Variants in OSMR observed in about 807,000 individuals in gnomAD.
OSMR encodes the protein oncostatin M receptor.
Under a neutral mutation model 99.9 loss-of-function variants are expected in OSMR, and 81 were observed. The ratio of observed to expected loss-of-function variants is 0.81; its 90% CI spans 0.68 to 0.97. The LOEUF (loss-of-function observed/expected upper bound fraction) is 0.97. Ranked by LOEUF, OSMR falls within the 50% of genes least tolerant of loss-of-function variation. The probability of loss-of-function intolerance (pLI) is 0.00; values close to 1 mark genes in which losing one functional copy is unlikely to be tolerated. For missense variants in OSMR, 1,099 were observed against 1,153.4 expected (o/e 0.95, Z 0.68); for synonymous variants, 406 against 410.4 (o/e 0.99, Z 0.13).
intron 4 of OSMR, 106 bp downstream of exon 4, chr5:38,881,870 T>A: frequency 1.0e-6 from 1 of 990,162 alleles, no homozygotes; most frequent in Non-Finnish European, 1.6e-6. Flanking sequence ...GGGTAGACAC[T>A]GACATTATTT....
chr5:38,883,558 A>G (rs10941411), intron 4 of OSMR: 52,975 of 282,774 alleles, frequency 0.19, 5,296 homozygotes, highest in Admixed American at 0.26. Flanking sequence ...AGCAATAGCA[A>G]TCATGCAATT....
At position 38,883,810 on chromosome 5, in the gene OSMR, AT is replaced by A. The variant is rs754064150; in HGVS notation, c.419-8del. 8.8e-6 allele frequency: 14 copies of A among 1,594,908 alleles called. No individual in the cohort carries two copies. Among genetic ancestry groups the A allele is most frequent in the Admixed American group, 3.4e-5 (2 of 59,590 alleles). On this transcript the variant is annotated splice_polypyrimidine_tract_variant and intron_variant, in intron 4 of 17. Transcript: ENST00000274276. Reference sequence around the variant, plus strand: ...TTTTGAGTGCGATTCTAACTTGGCTATTTTTTTTTCTTGCAGTACAAGATTC... The same window carrying A: ...TTTTGAGTGCGATTCTAACTTGGCTATTTTTTTTCTTGCAGTACAAGATTC...
At chr5:38,940,437 T>A (rs192674677), downstream of OSMR, 2 of 232,598 alleles carry the variant, frequency 8.6e-6, no homozygotes, top group Non-Finnish European at 1.7e-5. Flanking sequence ...ACTCTGACAT[T>A]TGGTTCTCTG....
At chr5:38,932,569 C>A in intron 17 of OSMR, 34 bp downstream of exon 17, 1 of 1,587,162 alleles carries the variant, frequency 6.3e-7, no homozygotes, top group South Asian at 1.1e-5. Flanking sequence ...ATACCATATA[C>A]CTATTAAGGA....
At chr5:38,942,783 C>A (rs1233593811) in intron 1 of OSMR, 2 of 1,415,692 alleles carry the variant, frequency 1.4e-6, no homozygotes, top group Admixed American at 1.7e-5. Context: ...TCAATTCAAA[C>A]ACAGAATTAT....
At chr5:38,891,919 C>T (rs937390896) in intron 7 of OSMR, among the ~76,000 whole-genome samples, 2 of 152,146 alleles carry the variant, frequency 1.3e-5, no homozygotes, top group African/African-American at 4.8e-5. Flanking sequence ...CCAGGAAGCA[C>T]CCAGACTGCA....
chr5:38,900,910 A>G (rs894001190), intron 7 of OSMR, among the ~76,000 whole-genome samples: 6 of 152,142 alleles, frequency 3.9e-5, no homozygotes, highest in Non-Finnish European at 2.9e-5. Flanking sequence ...TTGTTTTTTA[A>G]CATAAATGAC....
At chr5:38,869,191 A>G in intron 2 of OSMR, 74 bp downstream of exon 2, 2 of 1,069,646 alleles carry the variant, frequency 1.9e-6, no homozygotes, top group East Asian at 2.4e-5. Context: ...TTTGGGAAAA[A>G]GTTAAACAGT....
chr5:38,906,175 T>TA (rs915919915), intron 9 of OSMR, among the ~76,000 whole-genome samples: 8 of 151,740 alleles, frequency 5.3e-5, no homozygotes, highest in Non-Finnish European at 8.8e-5. Context: ...TTTTCTGTTT[T>TA]TTTTTTGAAA....
intron 1 of OSMR, among the ~76,000 whole-genome samples, chr5:38,865,748 T>C (rs1741888500): frequency 1.3e-5 from 2 of 151,614 alleles, no homozygotes; most frequent in Non-Finnish European, 2.9e-5. Context: ...TGTGGCTTGC[T>C]TGGGTGCCAG....
chr5:38,863,192 AGAGGGGGAGGGGGAGGGG>A (rs1247498132), intron 1 of OSMR, among the ~76,000 whole-genome samples: 4 of 7,708 alleles, frequency 5.2e-4, no homozygotes, highest in Admixed American at 2.3e-3. Flanking sequence ...AGGGAGAGGG[AGAGGGGGAGGGGGAGGGG>A]GAGGGGGAGG....
chr5:38,924,554 C>T lies in OSMR; in HGVS notation c.2003C>T (p.Ala668Val), dbSNP rs146090718. 543 of 1,614,028 alleles carry T rather than the reference C, an allele frequency of 3.4e-4. 1 individual carries two copies. The highest frequency in any genetic ancestry group is 4.1e-4 in the Non-Finnish European group (489 of 1,179,892). ...QGYHVYLKSK[A>V]RQCHPRFEKA... ...TACCATGTCTATCTGAAATCCAAGG[C>T]GAGGCAGTGCCACCCACGATTTGAA... Residue 668 changes from alanine (A) to valine (V), a missense_variant, in exon 14 of 18, where the codon GCG (alanine) becomes GTG (valine). By Grantham distance (64) the Ala-to-Val change is moderately conservative. Transcript: ENST00000274276.
At chr5:38,942,664 C>T (rs1020229424) in intron 1 of OSMR, among the ~76,000 whole-genome samples, 4 of 151,702 alleles carry the variant, frequency 2.6e-5, no homozygotes, top group African/African-American at 9.7e-5. Flanking sequence ...CTATGTTGCC[C>T]AGGCTGGTCT....
intron 7 of OSMR, chr5:38,886,482 C>T: frequency 2.2e-6 from 1 of 464,996 alleles, no homozygotes; most frequent in Non-Finnish European, 3.4e-6. Flanking sequence ...CACCTTCGCT[C>T]CTTCCGCCAA....
At chr5:38,920,345 A>G (rs1044448995) in intron 11 of OSMR, among the ~76,000 whole-genome samples, 1 of 152,254 alleles carries the variant, frequency 6.6e-6, no homozygotes, top group Non-Finnish European at 1.5e-5. Flanking sequence ...ACTGACAAAA[A>G]GATTCCCCTA....
At chr5:38,861,647 CG>C (rs1289249988) in intron 1 of OSMR, among the ~76,000 whole-genome samples, 3 of 152,192 alleles carry the variant, frequency 2.0e-5, no homozygotes, top group Non-Finnish European at 4.4e-5. Context: ...ACCTCCCAGA[CG>C]GGGTGGTGGC....
At chr5:38,849,305 T>C (rs1010922081) in intron 1 of OSMR, among the ~76,000 whole-genome samples, 2 of 152,230 alleles carry the variant, frequency 1.3e-5, no homozygotes, top group Non-Finnish European at 2.9e-5. Context: ...ACGATGTAAC[T>C]TAATATTTTT....
chr5:38,932,785 A>G lies in OSMR; in HGVS notation c.2368-87A>G. 5 of 1,585,130 alleles carry G rather than the reference A, an allele frequency of 3.2e-6. No homozygotes were observed. In the East Asian group the frequency reaches 1.1e-4, roughly 36 times the overall value. ...GAAACATGAAGAACATTGAAGCTCT[A>G]AGTGTATTTCACATGCTTAATATAC... On this transcript the variant is annotated intron_variant, in intron 17 of 17. Transcript: ENST00000274276.
At chr5:38,920,439 T>G (rs1163540797) in intron 11 of OSMR, among the ~76,000 whole-genome samples, 1 of 152,168 alleles carries the variant, frequency 6.6e-6, no homozygotes, top group Non-Finnish European at 1.5e-5. Flanking sequence ...GGGTTTGGAG[T>G]TAAATTTTAC....
Sources: allele counts gnomAD v4.1 joint callset (sites outside exome capture counted in the v4.1 genomes callset), GRCh38; gene constraint gnomAD v4.1.1; transcripts MANE v1.5; gene names NCBI Gene and HGNC (gene_info 2026-07-23, HGNC 2026-07-21).